Variants in GALNTL6 observed in about 807,000 individuals in gnomAD.
GALNTL6 encodes the protein polypeptide N-acetylgalactosaminyltransferase like 6.
Under a neutral mutation model 73.7 loss-of-function variants are expected in GALNTL6, and 46 were observed. The observed-to-expected ratio is 0.62, with a 90% CI of 0.49 to 0.80. The LOEUF is 0.80. GALNTL6 is among the 30% of genes least tolerant of loss of function. The probability of loss-of-function intolerance (pLI) is 0.00; values close to 1 mark genes in which losing one functional copy is unlikely to be tolerated. For missense variants in GALNTL6, 604 were observed against 755.0 expected (o/e 0.80, Z 2.34); for synonymous variants, 259 against 263.7 (o/e 0.98, Z 0.17).
At chr4:172,379,777 G>A (rs550479322) in intron 5 of GALNTL6, among the ~76,000 whole-genome samples, 1 of 152,272 alleles carries the variant, frequency 6.6e-6, no homozygotes, top group South Asian at 2.1e-4. Context: ...ATGAATAAAA[G>A]CAGAGAGGGG....
chr4:172,981,629 G>A (rs759797211), intron 10 of GALNTL6, among the ~76,000 whole-genome samples: 3 of 152,088 alleles, frequency 2.0e-5, no homozygotes, highest in Non-Finnish European at 2.9e-5. Flanking sequence ...ATCATGAAGT[G>A]TGAACCTTTC....
chr4:172,896,699 A>G (rs909552934), intron 8 of GALNTL6, among the ~76,000 whole-genome samples: 1 of 152,172 alleles, frequency 6.6e-6, no homozygotes, highest in Non-Finnish European at 1.5e-5. Flanking sequence ...CACAGATAGG[A>G]TAGTTCCCTG....
chr4:172,716,665 T>C (rs561107596), intron 5 of GALNTL6, among the ~76,000 whole-genome samples: 1 of 152,282 alleles, frequency 6.6e-6, no homozygotes, highest in East Asian at 1.9e-4. Context: ...TGTACCGCAT[T>C]AAGGAAAACA....
chr4:172,780,240 GTTGT>G (rs1697409795), intron 5 of GALNTL6, among the ~76,000 whole-genome samples: 2 of 152,006 alleles, frequency 1.3e-5, no homozygotes, highest in African/African-American at 2.4e-5. Flanking sequence ...ATTCTTAGAG[GTTGT>G]CACTTCTATT....
intron 2 of GALNTL6, among the ~76,000 whole-genome samples, chr4:171,881,307 T>C (rs1736441930): frequency 6.6e-6 from 1 of 152,198 alleles, no homozygotes; most frequent in Admixed American, 6.5e-5. Context: ...ATGAGAAATC[T>C]TGTGTTTTTA....
chr4:171,887,207 T>A (rs1433756600), intron 2 of GALNTL6, among the ~76,000 whole-genome samples: 1 of 152,150 alleles, frequency 6.6e-6, no homozygotes, highest in Non-Finnish European at 1.5e-5. Flanking sequence ...GGAGGAACTC[T>A]CATGACCTCA....
intron 5 of GALNTL6, among the ~76,000 whole-genome samples, chr4:172,533,014 A>AG (rs1735218715): frequency 7.0e-6 from 1 of 143,532 alleles, no homozygotes; most frequent in Admixed American, 7.0e-5. Flanking sequence ...TTTTTGTAGA[A>AG]TTTTTTTTTT....
At chr4:172,498,615 C>T (rs943341623) in intron 5 of GALNTL6, among the ~76,000 whole-genome samples, 11 of 151,968 alleles carry the variant, frequency 7.2e-5, no homozygotes, top group Non-Finnish European at 1.5e-4. Flanking sequence ...TTTAAATCTC[C>T]TAAGCAACTA....
At chr4:172,136,808 C>T (rs2111029320) in intron 2 of GALNTL6, among the ~76,000 whole-genome samples, 1 of 151,968 alleles carries the variant, frequency 6.6e-6, no homozygotes, top group African/African-American at 2.4e-5. Flanking sequence ...GTCATTTTCA[C>T]TCAATAAAAT....
chr4:172,163,265 G>A (rs1038310199), intron 2 of GALNTL6, among the ~76,000 whole-genome samples: 2 of 151,926 alleles, frequency 1.3e-5, no homozygotes, highest in Admixed American at 6.6e-5. Flanking sequence ...GTGCAACAAA[G>A]TCAATTAACA....
intron 5 of GALNTL6, among the ~76,000 whole-genome samples, chr4:172,736,212 C>T (rs946974224): frequency 4.6e-5 from 7 of 152,200 alleles, no homozygotes; most frequent in Non-Finnish European, 7.3e-5. Context: ...CTGGGGGGCG[C>T]TGCAGGTGAC....
rs190973537 is a variant in GALNTL6 at position 172,254,593 on chromosome 4, G to C, written c.247+24829G>C. 8.6e-4 allele frequency among the ~76,000 whole-genome samples: 131 copies of C among 151,816 alleles called. 1 individual carries two copies. Among genetic ancestry groups the C allele is most frequent in the African/African-American group, 2.9e-3 (119 of 41,506 alleles). On this transcript the variant is annotated intron_variant, in intron 3 of 12. Coordinates refer to ENST00000506823, the MANE Select transcript of GALNTL6 (RefSeq NM_001034845.3). ...AACATTGTCCCCTCTTTCATAAAGTGTAACATTATGTTTTATGTATAGAAC... is the reference window on the plus strand; with the variant it reads ...AACATTGTCCCCTCTTTCATAAAGTCTAACATTATGTTTTATGTATAGAAC...
chr4:172,456,416 G>A (rs1018800541), intron 5 of GALNTL6, among the ~76,000 whole-genome samples: 3 of 152,014 alleles, frequency 2.0e-5, no homozygotes, highest in East Asian at 2.0e-4. Context: ...AGCTAAAGGA[G>A]CATGTTCTAA....
At chr4:172,040,524 C>T (rs1348938991) in intron 2 of GALNTL6, among the ~76,000 whole-genome samples, 3 of 151,982 alleles carry the variant, frequency 2.0e-5, no homozygotes, top group African/African-American at 7.2e-5. Context: ...GTGAGAAAAA[C>T]AATTTGCTTA....
At chr4:172,440,112 A>G (rs1436026538) in intron 5 of GALNTL6, among the ~76,000 whole-genome samples, 1 of 152,040 alleles carries the variant, frequency 6.6e-6, no homozygotes, top group Non-Finnish European at 1.5e-5. Flanking sequence ...AAAACTACAC[A>G]TACTCTTAGC....
intron 2 of GALNTL6, among the ~76,000 whole-genome samples, chr4:171,831,481 C>T (rs1202278677): frequency 6.6e-6 from 1 of 151,904 alleles, no homozygotes; most frequent in Non-Finnish European, 1.5e-5. Flanking sequence ...CTTGTTTGTA[C>T]TAGCACTACG....
chr4:172,550,332 C>A (rs1275609783), intron 5 of GALNTL6, among the ~76,000 whole-genome samples: 2 of 152,144 alleles, frequency 1.3e-5, no homozygotes, highest in Admixed American at 6.5e-5. Context: ...ATCATCAATT[C>A]TTTTAATTAT....
intron 2 of GALNTL6, among the ~76,000 whole-genome samples, chr4:171,932,457 G>A (rs1738217842): frequency 6.6e-6 from 1 of 152,176 alleles, no homozygotes; most frequent in African/African-American, 2.4e-5. Context: ...CAGGGAAGCT[G>A]GAAGCCAGTG....
At chr4:172,487,212 CTCCTTCCTTCCT>C (rs138742820) in intron 5 of GALNTL6, among the ~76,000 whole-genome samples, 1 of 148,574 alleles carries the variant, frequency 6.7e-6, no homozygotes, top group Non-Finnish European at 1.5e-5. Flanking sequence ...TTCTTTCTTT[CTCCTTCCTTCCT>C]TCCTTCCTTC....
Sources: gnomAD v4.1 joint callset for allele counts (sites outside exome capture counted in the v4.1 genomes callset) on GRCh38, gnomAD v4.1.1 for gene constraint, MANE v1.5 for transcripts, NCBI Gene and HGNC (gene_info 2026-07-23, HGNC 2026-07-21) for gene names.